The following PRKG1 variants were observed in gnomAD, a reference collection of about 807,000 sequenced individuals.
PRKG1 encodes the protein protein kinase cGMP-dependent 1.
PRKG1 carries 35 observed loss-of-function variants against 88.1 expected under a neutral mutation model. The observed-to-expected ratio is 0.40, with a 90% CI of 0.30 to 0.53. PRKG1 has a LOEUF of 0.53. Among genes scored for constraint, PRKG1 ranks in the 20% least tolerant of loss-of-function variants. The probability of loss-of-function intolerance (pLI) is 0.59; values close to 1 mark genes in which losing one functional copy is unlikely to be tolerated. For synonymous variants in PRKG1, 303 were observed against 292.5 expected (o/e 1.04, Z -0.37); for missense variants, 540 against 839.8 (o/e 0.64, Z 4.41).
intron 2 of PRKG1, among the ~76,000 whole-genome samples, chr10:51,212,671 C>T (rs1706346433): frequency 6.6e-6 from 1 of 152,182 alleles, no homozygotes; most frequent in South Asian, 2.1e-4. Flanking sequence ...TGAACAGACA[C>T]TTGTCAAAAG....
chr10:51,266,480 T>C (rs1839839110), intron 2 of PRKG1, among the ~76,000 whole-genome samples: 2 of 152,194 alleles, frequency 1.3e-5, no homozygotes, highest in South Asian at 2.1e-4. Flanking sequence ...AATCAGACAG[T>C]AGATTTTCTT....
intron 5 of PRKG1, among the ~76,000 whole-genome samples, chr10:51,996,042 G>T (rs1844431148): frequency 6.6e-6 from 1 of 151,946 alleles, no homozygotes; most frequent in Non-Finnish European, 1.5e-5. Context: ...GCCGGGCACG[G>T]TGGCTTACGC....
intron 2 of PRKG1, among the ~76,000 whole-genome samples, chr10:51,347,920 G>T (rs531186249): frequency 6.6e-6 from 1 of 151,938 alleles, no homozygotes; most frequent in African/African-American, 2.4e-5. Context: ...AAAATTAGCC[G>T]GGCATGGTGG....
chr10:51,737,842 C>A (rs1837328754), intron 3 of PRKG1, among the ~76,000 whole-genome samples: 1 of 151,510 alleles, frequency 6.6e-6, no homozygotes, highest in Non-Finnish European at 1.5e-5. Context: ...CGGCTCACTG[C>A]AACCTTCATC....
intron 2 of PRKG1, among the ~76,000 whole-genome samples, chr10:51,455,434 TG>T: frequency 6.6e-6 from 1 of 152,240 alleles, no homozygotes; most frequent in Non-Finnish European, 1.5e-5. Flanking sequence ...CCTCAAAAAA[TG>T]GGTTTTTCTT....
chr10:51,689,085 C>A (rs901202434), intron 3 of PRKG1, among the ~76,000 whole-genome samples: 6 of 152,144 alleles, frequency 3.9e-5, no homozygotes, highest in Admixed American at 3.9e-4. Context: ...TTGCATTCCG[C>A]CATGCTTGTG....
Position 51,153,221 on chromosome 10 carries a change from G to C in PRKG1, c.369G>C (p.Glu123Asp), listed in dbSNP as rs781781854. 2 of 1,612,446 alleles carry C rather than the reference G, an allele frequency of 1.2e-6. No individual in the cohort carries two copies. The highest frequency in any genetic ancestry group is 2.7e-5 in the African/African-American group (2 of 74,790). ...ILDNDFMKNL[E>D]LSQIQEIVDC... ...ACAATGACTTTATGAAGAACTTGGA[G>C]CTGTCGCAGATCCAGGAGATTGTGG... Residue 123 changes from glutamate (E) to aspartate (D), a missense_variant, in exon 2 of 18, where the codon GAG (glutamate) becomes GAC (aspartate). By Grantham distance (45) the Glu-to-Asp change is conservative (BLOSUM62 2). Around this residue, in one of 5 missense-constraint regions of PRKG1, gnomAD observed 400 missense variants for 562.7 expected, o/e 0.71. Transcript: ENST00000373980.
chr10:51,507,916 A>G (rs1015305612), intron 3 of PRKG1, among the ~76,000 whole-genome samples: 1 of 152,178 alleles, frequency 6.6e-6, no homozygotes, highest in South Asian at 2.1e-4. Context: ...GGAAATACAA[A>G]GGTAAACAGT....
chr10:51,148,702 A>G (rs1845996566), intron 1 of PRKG1, among the ~76,000 whole-genome samples: 1 of 152,184 alleles, frequency 6.6e-6, no homozygotes, highest in Admixed American at 6.5e-5. Flanking sequence ...TAAATTCCAA[A>G]TAAATGTAAG....
chr10:51,989,590 T>C (rs1188856304), intron 5 of PRKG1, among the ~76,000 whole-genome samples: 1 of 65,546 alleles, frequency 1.5e-5, no homozygotes, highest in African/African-American at 7.8e-5. Flanking sequence ...AAGCCAATGA[T>C]GATAAAAAAA....
chr10:51,323,188 G>A lies in PRKG1; in HGVS notation c.479-144535G>A, dbSNP rs187008353. Among the ~76,000 whole-genome samples, 64 of 152,172 alleles carry A rather than the reference G, an allele frequency of 4.2e-4. No homozygotes were observed. In the East Asian group the frequency reaches 0.01, roughly 25 times the overall value. ...AAGTTTTTGTGAGCATACTATTAGC[G>A]AATAAAATATTGCTACGATATGATA... On this transcript the variant is annotated intron_variant, in intron 2 of 17. Coordinates refer to ENST00000373980, the MANE Select transcript of PRKG1 (RefSeq NM_006258.4).
At chr10:52,193,718 T>C (rs139816663) in intron 9 of PRKG1, among the ~76,000 whole-genome samples, 2 of 152,206 alleles carry the variant, frequency 1.3e-5, no homozygotes, top group East Asian at 3.9e-4. Flanking sequence ...TTAAAACATA[T>C]ACAAAGAAAG....
intron 5 of PRKG1, among the ~76,000 whole-genome samples, chr10:51,957,970 T>C (rs1843353678): frequency 1.3e-5 from 2 of 152,158 alleles, no homozygotes; most frequent in African/African-American, 4.8e-5. Flanking sequence ...TTTGAATGAA[T>C]AATAATGTAA....
At chr10:52,021,094 A>C (rs912218040) in intron 5 of PRKG1, among the ~76,000 whole-genome samples, 7 of 152,150 alleles carry the variant, frequency 4.6e-5, no homozygotes, top group Admixed American at 3.9e-4. Flanking sequence ...AACACTCAGA[A>C]CATGTTTTAT....
At chr10:51,693,936 A>G (rs919010396) in intron 3 of PRKG1, among the ~76,000 whole-genome samples, 5 of 152,194 alleles carry the variant, frequency 3.3e-5, no homozygotes, top group Admixed American at 6.5e-5. Flanking sequence ...ATAAATATAT[A>G]TAAGCACATT....
chr10:52,248,760 TAGTC>T (rs932434671), intron 9 of PRKG1, among the ~76,000 whole-genome samples: 4 of 152,152 alleles, frequency 2.6e-5, no homozygotes, highest in African/African-American at 9.7e-5. Flanking sequence ...TATCAGTAAT[TAGTC>T]AGGTAATAGC....
intron 9 of PRKG1, among the ~76,000 whole-genome samples, chr10:52,217,762 A>T (rs973683855): frequency 6.6e-6 from 1 of 152,198 alleles, no homozygotes; most frequent in Non-Finnish European, 1.5e-5. Context: ...CCCTGTTGGT[A>T]GTATAGACAT....
At chr10:51,557,086 G>A (rs572743673) in intron 3 of PRKG1, among the ~76,000 whole-genome samples, 45 of 151,864 alleles carry the variant, frequency 3.0e-4, no homozygotes, top group South Asian at 2.7e-3. Flanking sequence ...ATATAAATGC[G>A]TATAGTCATG....
intron 4 of PRKG1, among the ~76,000 whole-genome samples, chr10:51,875,935 CTTTCT>C (rs1257513368): frequency 8.8e-6 from 1 of 113,096 alleles, no homozygotes; most frequent in Non-Finnish European, 2.1e-5. Context: ...TCCTTTATTC[CTTTCT>C]TTTCTTTCTT....
Sources: allele counts gnomAD v4.1 joint callset (sites outside exome capture counted in the v4.1 genomes callset), GRCh38; gene constraint gnomAD v4.1.1; regional missense constraint gnomAD v4.1.1; transcripts MANE v1.5; gene names NCBI Gene and HGNC (gene_info 2026-07-23, HGNC 2026-07-21).